The following CTNNA2 variants were observed in gnomAD, a reference collection of about 807,000 sequenced individuals.
The protein encoded by CTNNA2 is catenin alpha-2.
In CTNNA2, 42 loss-of-function variants were observed where a neutral mutation model predicts 101.0. The observed-to-expected ratio is 0.42, with a 90% CI of 0.32 to 0.54. The LOEUF is 0.54. Ranked by LOEUF, CTNNA2 falls within the 20% of genes least tolerant of loss-of-function variation. The probability of loss-of-function intolerance (pLI) is 0.14; values close to 1 mark genes in which losing one functional copy is unlikely to be tolerated. For missense variants in CTNNA2, 871 were observed against 1,223.1 expected, an observed-to-expected ratio of 0.71 and a Z score of 4.29; for synonymous variants, 450 against 456.4, an observed-to-expected ratio of 0.99 and a Z score of 0.18.
intron 1 of CTNNA2, among the ~76,000 whole-genome samples, chr2:79,644,252 C>T (rs1413954601): frequency 2.0e-5 from 3 of 152,050 alleles, no homozygotes; most frequent in Admixed American, 6.5e-5. Flanking sequence ...GTTGGCCAGG[C>T]TGGTCTCGAA....
chr2:80,595,980 T>A (rs1028280092), intron 15 of CTNNA2, among the ~76,000 whole-genome samples: 6 of 152,214 alleles, frequency 3.9e-5, no homozygotes, highest in Non-Finnish European at 8.8e-5. Context: ...CAGTATTGAT[T>A]CTTCCTATCC....
At chr2:80,502,007 G>A (rs1052168574) in intron 9 of CTNNA2, among the ~76,000 whole-genome samples, 1 of 152,112 alleles carries the variant, frequency 6.6e-6, no homozygotes, top group Non-Finnish European at 1.5e-5. Context: ...CTATTCTGGG[G>A]TCCTTTGGAA....
intron 8 of CTNNA2, among the ~76,000 whole-genome samples, chr2:80,415,116 A>G (rs1679929258): frequency 6.6e-6 from 1 of 152,220 alleles, no homozygotes; most frequent in African/African-American, 2.4e-5. Flanking sequence ...AAGGCTCCGA[A>G]CAGCAGAATT....
At chr2:79,384,069 T>C (rs1200939425) in intron 4 of CTNNA2, among the ~76,000 whole-genome samples, 1 of 152,102 alleles carries the variant, frequency 6.6e-6, no homozygotes, top group African/African-American at 2.4e-5. Flanking sequence ...ATGGGAAACA[T>C]TTAGCAACCA....
intron 7 of CTNNA2, among the ~76,000 whole-genome samples, chr2:79,920,946 T>C (rs1451706477): frequency 6.6e-6 from 1 of 152,184 alleles, no homozygotes; most frequent in Non-Finnish European, 1.5e-5. Flanking sequence ...TCTGAGGGCT[T>C]GGAGGAGCTG....
intron 7 of CTNNA2, among the ~76,000 whole-genome samples, chr2:80,300,277 TTGGGGTGTGTGTG>T (rs1464811443): frequency 1.9e-5 from 2 of 104,440 alleles, no homozygotes; most frequent in African/African-American, 7.4e-5. Context: ...AGCTGGGGTG[TTGGGGTGTGTGTG>T]TGTGTGTGTG....
At chr2:79,457,890 C>T (rs148026829) in intron 4 of CTNNA2, among the ~76,000 whole-genome samples, 5 of 152,290 alleles carry the variant, frequency 3.3e-5, no homozygotes, top group African/African-American at 1.2e-4. Context: ...AGTACCCTGA[C>T]TTAAAAGGGT....
At chr2:80,580,387 A>G (rs1053413877) in intron 13 of CTNNA2, among the ~76,000 whole-genome samples, 8 of 152,156 alleles carry the variant, frequency 5.3e-5, no homozygotes, top group African/African-American at 2.4e-5. Context: ...CTTTTTAAGC[A>G]ATTTTATAAC....
At chr2:80,507,142 C>T (rs1179305081) in intron 9 of CTNNA2, among the ~76,000 whole-genome samples, 1 of 152,056 alleles carries the variant, frequency 6.6e-6, no homozygotes, top group Non-Finnish European at 1.5e-5. Flanking sequence ...CATTTCGTTC[C>T]CTAGTCTCCT....
chr2:80,140,821 A>G (rs542468960), intron 7 of CTNNA2, among the ~76,000 whole-genome samples: 1 of 152,216 alleles, frequency 6.6e-6, no homozygotes, highest in Admixed American at 6.5e-5. Flanking sequence ...GAGAAACCCC[A>G]TCATATCCAT....
At chr2:80,019,175 A>G (rs1011036106) in intron 7 of CTNNA2, among the ~76,000 whole-genome samples, 16 of 152,220 alleles carry the variant, frequency 1.1e-4, no homozygotes, top group African/African-American at 3.6e-4. Flanking sequence ...ACTTTTTACC[A>G]TCTGTGGATT....
chr2:79,343,544 C>T (rs1425055807), intron 3 of CTNNA2, among the ~76,000 whole-genome samples: 1 of 152,120 alleles, frequency 6.6e-6, no homozygotes, highest in Non-Finnish European at 1.5e-5. Context: ...ACAACTTCCT[C>T]ACTATGGGAA....
At chr2:80,484,922 C>A (rs927197105) in intron 9 of CTNNA2, among the ~76,000 whole-genome samples, 1 of 152,048 alleles carries the variant, frequency 6.6e-6, no homozygotes, top group Non-Finnish European at 1.5e-5. Flanking sequence ...AGGAGAATGG[C>A]GTGAACCTGG....
At chr2:80,568,345 A>T (rs999291303) in intron 12 of CTNNA2, among the ~76,000 whole-genome samples, 10 of 152,076 alleles carry the variant, frequency 6.6e-5, no homozygotes, top group Non-Finnish European at 1.3e-4. Context: ...GGAGTTCTTC[A>T]TCTTAATTTT....
chr2:80,582,013 C>A (rs925115033), intron 14 of CTNNA2, among the ~76,000 whole-genome samples, 194 bp downstream of exon 14: 1 of 152,152 alleles, frequency 6.6e-6, no homozygotes, highest in African/African-American at 2.4e-5. Flanking sequence ...CCTGATTCCT[C>A]TAACTCCTCT....
rs183115396 is a variant in CTNNA2 at position 80,043,113 on chromosome 2, T to C, written c.1056+133316T>C. 6.1e-3 allele frequency among the ~76,000 whole-genome samples: 386 copies of C among 63,224 alleles called. 2 individuals are homozygous for C. Among genetic ancestry groups the C allele is most frequent in the Non-Finnish European group, 7.8e-3 (213 of 27,262 alleles). The allele number at this position is 63,224 out of a possible 152,430, so 41.5% of individuals were successfully genotyped here. A position where few individuals can be genotyped will look rare whatever the true frequency, so the allele number is the denominator to read the frequency against. ...TTTCTTTCTCTCTCTCTCTCTCTCT[T>C]TCTTTCTCCTTCCTTCCTTCCTTCC... On this transcript the variant is annotated intron_variant, in intron 7 of 18. Coordinates refer to ENST00000402739, the MANE Select transcript of CTNNA2 (RefSeq NM_001282597.3).
chr2:79,269,325 G>C (rs12624013), intron 2 of CTNNA2, among the ~76,000 whole-genome samples: 21,554 of 152,038 alleles, frequency 0.14, 1,657 homozygotes, highest in African/African-American at 0.2. Flanking sequence ...AACTTGTGCC[G>C]AAGTCAGCAA....
At chr2:79,245,154 A>G (rs1196521831) in intron 2 of CTNNA2, among the ~76,000 whole-genome samples, 1 of 151,898 alleles carries the variant, frequency 6.6e-6, no homozygotes, top group Non-Finnish European at 1.5e-5. Flanking sequence ...TTCTTTCCTT[A>G]AAGAAATGCA....
intron 7 of CTNNA2, among the ~76,000 whole-genome samples, chr2:80,372,739 T>C (rs991741895): frequency 6.6e-6 from 1 of 151,996 alleles, no homozygotes; most frequent in East Asian, 1.9e-4. Context: ...ATTGTATCTG[T>C]ATCATAGCAT....
Sources: gnomAD v4.1 joint callset for allele counts (sites outside exome capture counted in the v4.1 genomes callset) on GRCh38, gnomAD v4.1.1 for gene constraint, MANE v1.5 for transcripts, NCBI Gene and HGNC (gene_info 2026-07-23, HGNC 2026-07-21) for gene names.